GSTM1: variants seen among roughly 807,000 people sequenced by gnomAD.
GSTM1 encodes GST HB subunit 4.
Under a neutral mutation model 17.3 loss-of-function variants are expected in GSTM1, and 6 were observed. The observed-to-expected ratio is 0.35, with a 90% CI of 0.19 to 0.68. The LOEUF is 0.68. Ranked by LOEUF, GSTM1 falls within the 30% of genes least tolerant of loss-of-function variation. The pLI is 0.65. For missense variants in GSTM1, 62 were observed against 155.9 expected, an observed-to-expected ratio of 0.40 and a Z score of 3.21; for synonymous variants, 20 against 53.6, an observed-to-expected ratio of 0.37 and a Z score of 2.74.
rs1012880758 is a variant in GSTM1 at position 109,689,410 on chromosome 1, C to G, written c.360+85C>G. 5 of 406,686 alleles carry G rather than the reference C, an allele frequency of 1.2e-5. 2 individuals are homozygous for G. 25.2% of individuals were successfully genotyped at this position (406,686 alleles called of 1,614,324 possible). ...ATTCCTGCACACACTGGTCTTAAGT[C>G]CCTGGTACCATTCATCCTCCAAGTG... On this transcript the variant is annotated intron_variant, in intron 5 of 7. Coordinates refer to ENST00000309851, the MANE Select transcript of GSTM1 (RefSeq NM_000561.4).
chr1:109,688,320 T>G lies in GSTM1; in HGVS notation c.112+75T>G, dbSNP rs1648008074. 2.7e-6 allele frequency: 2 copies of G among 738,900 alleles called. 1 individual carries two copies. Among genetic ancestry groups the G allele is most frequent in the Non-Finnish European group, 4.0e-6 (2 of 499,380 alleles). The allele number at this position is 738,900 out of a possible 1,614,324, so 45.8% of individuals were successfully genotyped here. A position where few individuals can be genotyped will look rare whatever the true frequency, so the allele number is the denominator to read the frequency against. ...CCAAGCAACCCATGGTGGCCACCTGTGGCTGCCTCTGCAGGCCTCCCCTGC... is the reference window on the plus strand; with the variant it reads ...CCAAGCAACCCATGGTGGCCACCTGGGGCTGCCTCTGCAGGCCTCCCCTGC... On this transcript the variant is annotated intron_variant, in intron 2 of 7. Coordinates refer to ENST00000309851, the MANE Select transcript of GSTM1 (RefSeq NM_000561.4).
In GSTM1 at chr1:109,691,331, C is replaced by G. The variant is rs1433271814; in HGVS notation, c.567+767C>G. Among the ~76,000 whole-genome samples, 3 of 64,718 alleles carry G rather than the reference C, an allele frequency of 4.6e-5. 1 individual carries two copies. The highest frequency in any genetic ancestry group is 1.4e-4 in the African/African-American group (3 of 22,192). 42.5% of individuals were successfully genotyped at this position (64,718 alleles called of 152,430 possible). A position where few individuals can be genotyped will look rare whatever the true frequency, so the allele number is the denominator to read the frequency against. On this transcript the variant is annotated intron_variant, in intron 7 of 7. Coordinates refer to ENST00000309851, the MANE Select transcript of GSTM1 (RefSeq NM_000561.4). ...CACTGCAACCTCCGCCTCCTGGGTT[C>G]AAGCGATTCTACTGCCTCAGCTGCA... is the stretch of plus-strand genomic sequence containing the variant.
In GSTM1 at chr1:109,688,033, G is replaced by T; in HGVS notation, c.36+124G>T. ...GCCCGCCTCAGAAGGGCCTGTGCAT[G>T]CCGCTGTGTGTGTGTTGGGGGTGTG... On this transcript the variant is annotated intron_variant, in intron 1 of 7. Transcript: ENST00000309851. 2 of 742,986 alleles carry T rather than the reference G, an allele frequency of 2.7e-6. 1 individual carries two copies. Among genetic ancestry groups the T allele is most frequent in the Non-Finnish European group, 4.0e-6 (2 of 504,152 alleles). The allele number at this position is 742,986 out of a possible 1,614,324, so 46.0% of individuals were successfully genotyped here. A position where few individuals can be genotyped will look rare whatever the true frequency, so the allele number is the denominator to read the frequency against.
At position 109,688,048 on chromosome 1, in the gene GSTM1, T is replaced by C. The variant is rs1647998450; in HGVS notation, c.37-122T>C. On this transcript the variant is annotated intron_variant, in intron 1 of 7. Coordinates refer to ENST00000309851, the MANE Select transcript of GSTM1 (RefSeq NM_000561.4). ...GCCTGTGCATGCCGCTGTGTGTGTG[T>C]TGGGGGTGTGGGCGGGTAGAGGAGG... 2.6e-6 allele frequency: 2 copies of C among 759,452 alleles called. 1 individual carries two copies. Among genetic ancestry groups the C allele is most frequent in the African/African-American group, 3.8e-5 (2 of 52,596 alleles). 47.0% of individuals were successfully genotyped at this position (759,452 alleles called of 1,614,324 possible). A position where few individuals can be genotyped will look rare whatever the true frequency, so the allele number is the denominator to read the frequency against.
intron 7 of GSTM1, among the ~76,000 whole-genome samples, chr1:109,691,765 G>C (rs1648104956): frequency 1.2e-5 from 1 of 82,244 alleles, no homozygotes; most frequent in South Asian, 3.6e-4. Context: ...CCTCACTCAC[G>C]GGGAACCATC....
rs142392008 is a variant in GSTM1 at position 109,687,820 on chromosome 1, C to A, written c.-54C>A. On this transcript the variant is annotated 5_prime_UTR_variant, in exon 1 of 8. Coordinates refer to ENST00000309851, the MANE Select transcript of GSTM1 (RefSeq NM_000561.4). ...CTGTCCCCTCTCCGGAGCTCTTATACTCTGAGCCCTGCTCGGTTTAGGCCT... is the reference window on the plus strand; with the variant it reads ...CTGTCCCCTCTCCGGAGCTCTTATAATCTGAGCCCTGCTCGGTTTAGGCCT... 2.0e-3 allele frequency: 1,313 copies of A among 672,324 alleles called. 403 individuals are homozygous for A. The African/African-American group carries it at 0.023, about 12-fold the overall frequency. 41.6% of individuals were successfully genotyped at this position (672,324 alleles called of 1,614,324 possible).
rs1648115282 is a variant in GSTM1 at position 109,692,242 on chromosome 1, G to A, written c.568-964G>A. On this transcript the variant is annotated intron_variant, in intron 7 of 7. Transcript: ENST00000309851. Reference sequence around the variant, plus strand: ...CCAGCTAATTTTTCTATTTTTAGTAGAGATGGGCTTTCACCATGTTGGCCA... The same window carrying A: ...CCAGCTAATTTTTCTATTTTTAGTAAAGATGGGCTTTCACCATGTTGGCCA... Among the ~76,000 whole-genome samples the A allele has an allele frequency of 2.6e-5, 2 of 78,240 alleles. 1 individual carries two copies. The highest frequency in any genetic ancestry group is 7.3e-5 in the African/African-American group (2 of 27,386). The allele number at this position is 78,240 out of a possible 152,430, so 51.3% of individuals were successfully genotyped here.
At chr1:109,691,564 C>A in intron 7 of GSTM1, among the ~76,000 whole-genome samples, 1 of 80,738 alleles carries the variant, frequency 1.2e-5, no homozygotes, top group South Asian at 3.7e-4. Context: ...CGTGTTCCCC[C>A]TGTGAGATGA....
In GSTM1 at chr1:109,693,281, TG is replaced by T; in HGVS notation, c.647del (p.Gly216AlafsTer13). On this transcript the variant is annotated frameshift_variant, in exon 8 of 8. Coordinates refer to ENST00000309851, the MANE Select transcript of GSTM1 (RefSeq NM_000561.4). LOFTEE classifies it high-confidence loss of function. Reference protein sequence around the residue: ...PRPVFSKMAVWGNK With the variant: ...PRPVFSKMAVXGNK Reference sequence around the variant, plus strand: ...ACCTGTGTTCTCAAAGATGGCTGTCTGGGGCAACAAGTAGGGCCTTGAAGGC... The same window carrying T: ...ACCTGTGTTCTCAAAGATGGCTGTCTGGGCAACAAGTAGGGCCTTGAAGGC... 1 of 795,144 alleles carries T rather than the reference TG, an allele frequency of 1.3e-6. No individual in the cohort carries two copies. The highest frequency in any genetic ancestry group is 3.1e-5 in the Admixed American group (1 of 32,550). The allele number at this position is 795,144 out of a possible 1,614,324, so 49.3% of individuals were successfully genotyped here. A position where few individuals can be genotyped will look rare whatever the true frequency, so the allele number is the denominator to read the frequency against.
chr1:109,689,502 C>G lies in GSTM1; in HGVS notation c.360+177C>G, dbSNP rs1268880116. Among the ~76,000 whole-genome samples the G allele has an allele frequency of 2.5e-5, 2 of 79,690 alleles. 1 individual carries two copies. Among genetic ancestry groups the G allele is most frequent in the African/African-American group, 7.2e-5 (2 of 27,862 alleles). 52.3% of individuals were successfully genotyped at this position (79,690 alleles called of 152,430 possible). ...CATGTCAACAAAAGCAGAGGCAATTCCCACCAACCTTAGGACACGATCCAG... is the reference window on the plus strand; with the variant it reads ...CATGTCAACAAAAGCAGAGGCAATTGCCACCAACCTTAGGACACGATCCAG... On this transcript the variant is annotated intron_variant, in intron 5 of 7. Transcript: ENST00000309851.
chr1:109,690,750 G>T (rs1570639478), intron 7 of GSTM1, among the ~76,000 whole-genome samples, 186 bp downstream of exon 7: 1 of 82,192 alleles, frequency 1.2e-5, no homozygotes, highest in Admixed American at 1.3e-4. Context: ...ATTCCAGTAA[G>T]GTAACAGAAT....
chr1:109,688,364 C>T, intron 2 of GSTM1, 119 bp downstream of exon 2: 1 of 568,546 alleles, frequency 1.8e-6, no homozygotes, highest in Admixed American at 3.4e-5. Context: ...CAGGCTGTCT[C>T]TTCCCTGAGC....
In GSTM1 at chr1:109,689,765, C is replaced by T. The variant is rs45557045; in HGVS notation, c.360+440C>T. The stretch of plus-strand genomic sequence containing the variant: ...TGTCATTGACATGCACAGGGATCTG[C>T]GCATTTTCATAACAGACAGCTCAGA... On this transcript the variant is annotated intron_variant, in intron 5 of 7. Coordinates refer to ENST00000309851, the MANE Select transcript of GSTM1 (RefSeq NM_000561.4). Among the ~76,000 whole-genome samples the T allele has an allele frequency of 7.5e-5, 6 of 80,174 alleles. 2 individuals carry two copies. The highest frequency in any genetic ancestry group is 1.1e-4 in the African/African-American group (3 of 28,228). The allele number at this position is 80,174 out of a possible 152,430, so 52.6% of individuals were successfully genotyped here.
chr1:109,690,807 G>A lies in GSTM1; in HGVS notation c.567+243G>A, dbSNP rs1281350329. 2.4e-5 allele frequency among the ~76,000 whole-genome samples: 2 copies of A among 82,144 alleles called. 1 individual carries two copies. The highest frequency in any genetic ancestry group is 6.3e-5 in the Non-Finnish European group (2 of 31,762). The allele number at this position is 82,144 out of a possible 152,430, so 53.9% of individuals were successfully genotyped here. ...AAGGAAACTAAGAATGAGAGGGTCA[G>A]TCCTTTGCTCAGGGTCCCAGAGCTA... On this transcript the variant is annotated intron_variant, in intron 7 of 7. Coordinates refer to ENST00000309851, the MANE Select transcript of GSTM1 (RefSeq NM_000561.4).
At chr1:109,692,451 G>A (rs1648120609) in intron 7 of GSTM1, among the ~76,000 whole-genome samples, 1 of 80,178 alleles carries the variant, frequency 1.2e-5, no homozygotes, top group African/African-American at 3.6e-5. Flanking sequence ...GATGCCATGG[G>A]TTAGGGCACA....
chr1:109,690,689 G>A, intron 7 of GSTM1, 125 bp downstream of exon 7: 3 of 720,750 alleles, frequency 4.2e-6, no homozygotes, highest in Admixed American at 6.4e-5. Context: ...TTCATGCCAC[G>A]AACCGTGCCC....
At position 109,690,101 on chromosome 1, in the gene GSTM1, G is replaced by T. The variant is rs1367200557; in HGVS notation, c.361-170G>T. 2.9e-4 allele frequency among the ~76,000 whole-genome samples: 24 copies of T among 81,792 alleles called. 9 individuals carry two copies. The highest frequency in any genetic ancestry group is 8.3e-4 in the African/African-American group (24 of 28,752). The allele number at this position is 81,792 out of a possible 152,430, so 53.7% of individuals were successfully genotyped here. A position where few individuals can be genotyped will look rare whatever the true frequency, so the allele number is the denominator to read the frequency against. On this transcript the variant is annotated intron_variant, in intron 5 of 7. Coordinates refer to ENST00000309851, the MANE Select transcript of GSTM1 (RefSeq NM_000561.4). ...AGATAGGGTCTGGCACTCAGTCAGA[G>T]TCTAATAAATGCTGATGTATCCAAT... is the stretch of plus-strand genomic sequence containing the variant.
chr1:109,687,980 A>G lies in GSTM1; in HGVS notation c.36+71A>G, dbSNP rs1448490175. ...GAAGTGCGAAGCAGCTGCGGGACGG[A>G]CTCTAGGGACCGTTCCTCTTCAGGG... On this transcript the variant is annotated intron_variant, in intron 1 of 7. Coordinates refer to ENST00000309851, the MANE Select transcript of GSTM1 (RefSeq NM_000561.4). The G allele has an allele frequency of 1.3e-5, 9 of 702,140 alleles. 3 individuals carry two copies. Among genetic ancestry groups the G allele is most frequent in the Non-Finnish European group, 1.9e-5 (9 of 466,820 alleles). 43.5% of individuals were successfully genotyped at this position (702,140 alleles called of 1,614,324 possible).
At position 109,689,115 on chromosome 1, in the gene GSTM1, G is replaced by T. The variant is rs746113233; in HGVS notation, c.245G>T (p.Arg82Leu). 3 of 796,692 alleles carry T rather than the reference G, an allele frequency of 3.8e-6. 1 individual carries two copies. The highest frequency in any genetic ancestry group is 5.4e-6 in the Non-Finnish European group (3 of 552,470). 49.4% of individuals were successfully genotyped at this position (796,692 alleles called of 1,614,324 possible). The change falls in exon 4 of 8, where the codon CGC (arginine) becomes CTC (leucine). Residue 82 changes from arginine to leucine, a missense_variant. Arg to Leu is a moderately radical substitution (Grantham distance 102). Transcript: ENST00000309851. ...AACGCCATCTTGTGCTACATTGCCC[G>T]CAAGCACAACCTGTGTGAGTGTGGG... ...QSNAILCYIA[R>L]KHNLCGETEE...
Sources: allele counts gnomAD v4.1 joint callset (sites outside exome capture counted in the v4.1 genomes callset), GRCh38; gene constraint gnomAD v4.1.1; transcripts MANE v1.5; gene names NCBI Gene and HGNC (gene_info 2026-07-23, HGNC 2026-07-21).